The following MICAL2 variants were observed in gnomAD, a reference collection of about 807,000 sequenced individuals.
MICAL2 encodes the protein microtubule associated monooxygenase, calponin and LIM domain containing 2, also known as [F-actin]-monooxygenase MICAL2.
A neutral mutation model predicts 127.3 loss-of-function variants in MICAL2; 77 were observed. The observed-to-expected ratio is 0.60, with a 90% CI of 0.50 to 0.73. The LOEUF (loss-of-function observed/expected upper bound fraction) is 0.73, where lower values mean the gene tolerates loss of function less well. Among genes scored for constraint, MICAL2 ranks in the 30% least tolerant of loss-of-function variants. The pLI, the probability that MICAL2 is intolerant of heterozygous loss-of-function variation, is 0.00. For missense variants in MICAL2, 1,351 were observed against 1,434.4 expected (o/e 0.94, Z 0.94); for synonymous variants, 570 against 551.1 (o/e 1.03, Z -0.48).
chr11:12,259,987 G>A, intron 26 of MICAL2, 90 bp downstream of exon 26: 4 of 1,561,520 alleles, frequency 2.6e-6, no homozygotes, highest in Non-Finnish European at 3.5e-6. Context: ...ACTCCTGCAA[G>A]CTGCTGGCCT....
At chr11:12,222,324 T>A (rs1024432997) in intron 10 of MICAL2, among the ~76,000 whole-genome samples, 5 of 152,114 alleles carry the variant, frequency 3.3e-5, no homozygotes, top group Non-Finnish European at 4.4e-5. Flanking sequence ...TGGCTGAACA[T>A]GGTTATGGCA....
intron 29 of MICAL2, among the ~76,000 whole-genome samples, chr11:12,299,079 A>C (rs545334786): frequency 6.6e-6 from 1 of 152,344 alleles, no homozygotes; most frequent in South Asian, 2.1e-4. Context: ...TATATTCATC[A>C]GAAAATAGTA....
intron 3 of MICAL2, among the ~76,000 whole-genome samples, chr11:12,167,258 G>T (rs528996204): frequency 6.6e-6 from 1 of 152,304 alleles, no homozygotes; most frequent in South Asian, 2.1e-4. Flanking sequence ...TCAGGCCAGC[G>T]TATGTAATGA....
intron 2 of MICAL2, among the ~76,000 whole-genome samples, chr11:12,150,487 G>C (rs1853450025): frequency 6.6e-6 from 1 of 152,040 alleles, no homozygotes; most frequent in African/African-American, 2.4e-5. Flanking sequence ...TTGGGGGACA[G>C]ACTCCATCAG....
intron 32 of MICAL2, among the ~76,000 whole-genome samples, chr11:12,329,755 A>G (rs1399451133): frequency 6.6e-6 from 1 of 152,112 alleles, no homozygotes; most frequent in Non-Finnish European, 1.5e-5. Flanking sequence ...AAGTATCCAC[A>G]CACATCTTCT....
intron 15 of MICAL2, among the ~76,000 whole-genome samples, chr11:12,232,342 G>A (rs1182716800): frequency 6.6e-6 from 1 of 152,178 alleles, no homozygotes; most frequent in Admixed American, 6.5e-5. Context: ...GTTTTTAGAT[G>A]AGGAAACTTG....
intron 2 of MICAL2, among the ~76,000 whole-genome samples, chr11:12,282,547 T>C (rs1405478810): frequency 6.6e-6 from 1 of 152,144 alleles, no homozygotes; most frequent in Non-Finnish European, 1.5e-5. Context: ...ACAAAACCAG[T>C]TTAGGAGGGA....
chr11:12,299,149 C>T (rs76069054), intron 29 of MICAL2, among the ~76,000 whole-genome samples: 2,300 of 152,232 alleles, frequency 0.015, 48 homozygotes, highest in African/African-American at 0.052. Context: ...TTAGAGTTAG[C>T]ACTGGAAGTA....
intron 32 of MICAL2, among the ~76,000 whole-genome samples, chr11:12,337,664 C>A (rs1044546521): frequency 2.6e-5 from 4 of 151,752 alleles, no homozygotes; most frequent in African/African-American, 7.3e-5. Flanking sequence ...TCTTTGTTCT[C>A]GTTGGTTTCA....
chr11:12,114,151 A>T (rs1849815270), intron 1 of MICAL2, among the ~76,000 whole-genome samples: 1 of 152,246 alleles, frequency 6.6e-6, no homozygotes, highest in Non-Finnish European at 1.5e-5. Context: ...TATTGAGATT[A>T]TGCCTGGTTG....
In MICAL2 at chr11:12,242,509, G is replaced by A. The variant is rs997445033; in HGVS notation, c.2556+77G>A. On this transcript the variant is annotated intron_variant, in intron 19 of 27. Transcript: ENST00000683283. ...TCTTCCCCTCCCTCCTCCTACCCGG[G>A]TGGGTTCCTCCTCCCTCTGCCCACC... The A allele has an allele frequency of 6.6e-6, 10 of 1,516,636 alleles. No individual in the cohort carries two copies. The South Asian group carries it at 9.5e-5, about 14-fold the overall frequency. The allele number at this position is 1,516,636 out of a possible 1,614,324, so 93.9% of individuals were successfully genotyped here.
At chr11:12,189,393 G>T (rs1043190807) in intron 3 of MICAL2, among the ~76,000 whole-genome samples, 10 of 152,150 alleles carry the variant, frequency 6.6e-5, no homozygotes, top group Non-Finnish European at 1.3e-4. Context: ...CACCAGATAT[G>T]ATGCCTAGAA....
chr11:12,260,242 G>A, intron 26 of MICAL2: 1 of 1,441,338 alleles, frequency 6.9e-7, no homozygotes, highest in East Asian at 2.5e-5. Context: ...TTTGCAGTTT[G>A]CTCAGGCTCT....
chr11:12,331,336 T>C lies in MICAL2; in HGVS notation c.5515+4070T>C, dbSNP rs904199147. Among the ~76,000 whole-genome samples, 85 of 152,222 alleles carry C rather than the reference T, an allele frequency of 5.6e-4. 1 individual carries two copies. Among genetic ancestry groups the C allele is most frequent in the Admixed American group, 2.1e-3 (32 of 15,284 alleles). ...GTCGATGAGAATAATTATTCCCTTATAGCTTTACCAGCTTTGGGGAAGATT... is the reference window on the plus strand; with the variant it reads ...GTCGATGAGAATAATTATTCCCTTACAGCTTTACCAGCTTTGGGGAAGATT... On this transcript the variant is annotated intron_variant, in intron 32 of 34. Coordinates refer to the MICAL2 transcript ENST00000646065.
At position 12,233,605 on chromosome 11, in the gene MICAL2, T is replaced by A. The variant is rs190304019; in HGVS notation, c.1996-2572T>A. On this transcript the variant is annotated intron_variant, in intron 15 of 27. Coordinates refer to ENST00000683283, the MANE Select transcript of MICAL2 (RefSeq NM_001282663.2). ...AGATATCTACGTCTTTGATTTTTTT[T>A]AATAGGAAAACCAATTAGTTTAATA... Among the ~76,000 whole-genome samples, 471 of 152,370 alleles carry A rather than the reference T, an allele frequency of 3.1e-3. 4 individuals carry two copies. Among genetic ancestry groups the A allele is most frequent in the East Asian group, 3.3e-3 (17 of 5,194 alleles).
chr11:12,261,223 T>C (rs1863070306), intron 26 of MICAL2: 1 of 985,544 alleles, frequency 1.0e-6, no homozygotes, highest in African/African-American at 1.7e-5. Flanking sequence ...ACTGCTTAGC[T>C]GCTCCGCTGC....
chr11:12,232,824 C>A (rs1441111147), intron 15 of MICAL2, among the ~76,000 whole-genome samples: 1 of 152,198 alleles, frequency 6.6e-6, no homozygotes, highest in East Asian at 1.9e-4. Flanking sequence ...GTTTTGCTTT[C>A]TAGGGTTTCA....
chr11:12,165,276 G>A (rs907474891), intron 3 of MICAL2, among the ~76,000 whole-genome samples: 2 of 152,212 alleles, frequency 1.3e-5, no homozygotes, highest in East Asian at 1.9e-4. Flanking sequence ...ATGTGTGGGT[G>A]GTTAATGGCC....
At chr11:12,343,136 C>T (rs560739996) in intron 32 of MICAL2, among the ~76,000 whole-genome samples, 14 of 152,132 alleles carry the variant, frequency 9.2e-5, no homozygotes, top group African/African-American at 3.1e-4. Context: ...GGCTGGGCGC[C>T]GTGGCTCACA....
Sources: gnomAD v4.1 joint callset for allele counts (sites outside exome capture counted in the v4.1 genomes callset) on GRCh38, gnomAD v4.1.1 for gene constraint, MANE v1.5 for transcripts, NCBI Gene and HGNC (gene_info 2026-07-23, HGNC 2026-07-21) for gene names.